TPST1: variants seen among roughly 807,000 people sequenced by gnomAD.
TPST1 encodes the protein protein-tyrosine sulfotransferase 1.
Under a neutral mutation model 34.8 loss-of-function variants are expected in TPST1, and 20 were observed. That is an observed-to-expected ratio of 0.57 (90% confidence interval 0.40 to 0.84). TPST1 has a LOEUF of 0.84. TPST1 is among the 40% of genes least tolerant of loss of function. The pLI is 0.00. For missense variants in TPST1, 353 were observed against 455.5 expected (o/e 0.78, Z 2.05); for synonymous variants, 152 against 159.4 (o/e 0.95, Z 0.35).
intron 3 of TPST1, among the ~76,000 whole-genome samples, chr7:66,297,404 AC>A (rs1791223807): frequency 6.6e-6 from 1 of 152,146 alleles, no homozygotes; most frequent in Non-Finnish European, 1.5e-5. Flanking sequence ...GCAGGAATCC[AC>A]CTTGAGAGTG....
intron 3 of TPST1, among the ~76,000 whole-genome samples, chr7:66,341,748 A>G (rs956869998): frequency 2.6e-5 from 4 of 152,248 alleles, no homozygotes; most frequent in African/African-American, 9.6e-5. Context: ...AGAGACCAAA[A>G]GAAAGAAAAA....
intron 3 of TPST1, among the ~76,000 whole-genome samples, chr7:66,298,294 GC>G (rs1554350024): frequency 6.6e-6 from 1 of 152,042 alleles, no homozygotes; most frequent in Non-Finnish European, 1.5e-5. Flanking sequence ...TACATTTCTA[GC>G]AATTTTGTTT....
chr7:66,352,645 CAG>C (rs1792505562), intron 4 of TPST1, 90 bp downstream of exon 4: 2 of 1,562,662 alleles, frequency 1.3e-6, no homozygotes, highest in South Asian at 1.2e-5. Context: ...ATTAAAAAGA[CAG>C]AAACAAGAAA....
At chr7:66,281,717 A>C (rs1252065457) in intron 2 of TPST1, among the ~76,000 whole-genome samples, 1 of 152,078 alleles carries the variant, frequency 6.6e-6, no homozygotes, top group African/African-American at 2.4e-5. Flanking sequence ...CTTTTTGCAT[A>C]TCTGTTCCAT....
intron 2 of TPST1, among the ~76,000 whole-genome samples, chr7:66,270,056 G>C (rs1218784744): frequency 1.3e-5 from 2 of 152,178 alleles, no homozygotes; most frequent in African/African-American, 4.8e-5. Flanking sequence ...AAAGTTAGTA[G>C]TCTCATTGAG....
At chr7:66,242,928 G>A (rs1790066435) in intron 2 of TPST1, among the ~76,000 whole-genome samples, 1 of 152,136 alleles carries the variant, frequency 6.6e-6, no homozygotes, top group Admixed American at 6.5e-5. Context: ...GTGGAATGGA[G>A]GCCCTGTAAG....
At chr7:66,354,470 T>C (rs1451698949) in intron 4 of TPST1, among the ~76,000 whole-genome samples, 1 of 130,032 alleles carries the variant, frequency 7.7e-6, no homozygotes, top group Non-Finnish European at 1.5e-5. Context: ...TAGCAAGACT[T>C]GGTGGTGTGC....
At position 66,240,628 on chromosome 7, in the gene TPST1, A is replaced by T; in HGVS notation, c.203A>T (p.Asp68Val). The change falls in exon 2 of 6, where the codon GAT becomes GTT. Residue 68 changes from aspartate (D) to valine (V), a missense_variant. By Grantham distance (152) the Asp-to-Val change is radical. Transcript: ENST00000304842. ...AACAAAACCTTTGCCTATCACAAAG[A>T]TATGCCTTTAATATTTATTGGAGGT... ...KANKTFAYHK[D>V]MPLIFIGGVP... 1 of 1,614,184 alleles carries T rather than the reference A, an allele frequency of 6.2e-7. No individual in the cohort carries two copies. Among genetic ancestry groups the T allele is most frequent in the Non-Finnish European group, 8.5e-7 (1 of 1,180,038 alleles).
At chr7:66,210,524 C>G (rs889116718) in intron 1 of TPST1, among the ~76,000 whole-genome samples, 1 of 152,166 alleles carries the variant, frequency 6.6e-6, no homozygotes, top group African/African-American at 2.4e-5. Flanking sequence ...GATTCTGTAT[C>G]ATTTGGTCTG....
intron 2 of TPST1, among the ~76,000 whole-genome samples, chr7:66,254,002 C>CAAAAAA (rs60795420): frequency 8.8e-6 from 1 of 113,564 alleles, no homozygotes; most frequent in South Asian, 3.3e-4. Context: ...GACTCTGTTT[C>CAAAAAA]AAAAAAAAAA....
chr7:66,338,036 A>G (rs562068048), intron 3 of TPST1, among the ~76,000 whole-genome samples: 4 of 152,320 alleles, frequency 2.6e-5, no homozygotes, highest in African/African-American at 7.2e-5. Context: ...TTCTTCAATT[A>G]AGAGTGGCAG....
At chr7:66,256,592 A>G (rs2115674395) in intron 2 of TPST1, among the ~76,000 whole-genome samples, 1 of 152,194 alleles carries the variant, frequency 6.6e-6, no homozygotes, top group East Asian at 1.9e-4. Context: ...AAACAAGAAG[A>G]GCCAGAGAAA....
At chr7:66,230,924 C>T (rs201451447) in intron 1 of TPST1, among the ~76,000 whole-genome samples, 1 of 152,046 alleles carries the variant, frequency 6.6e-6, no homozygotes, top group South Asian at 2.1e-4. Context: ...TACAGTGTAT[C>T]GACACAAAGG....
intron 4 of TPST1, 59 bp downstream of exon 4, chr7:66,352,614 T>C: frequency 6.3e-7 from 1 of 1,582,382 alleles, no homozygotes; most frequent in East Asian, 2.3e-5. Flanking sequence ...ATTGAAGTAA[T>C]ATTTTTAAAG....
chr7:66,262,780 T>C (rs1002379104), intron 2 of TPST1, among the ~76,000 whole-genome samples: 26 of 152,020 alleles, frequency 1.7e-4, no homozygotes, highest in African/African-American at 6.0e-4. Context: ...GATAAGGAAA[T>C]GTGTGTTGGG....
upstream of TPST1, among the ~76,000 whole-genome samples, chr7:66,200,475 A>G (rs937931677): frequency 1.7e-5 from 2 of 115,992 alleles, no homozygotes; most frequent in Middle Eastern, 3.6e-3. Flanking sequence ...GCTGGAGTGC[A>G]GTGGCGCAAT....
chr7:66,264,992 A>G (rs537098051), intron 2 of TPST1, among the ~76,000 whole-genome samples: 1 of 152,374 alleles, frequency 6.6e-6, no homozygotes, highest in African/African-American at 2.4e-5. Flanking sequence ...GATAGAAATT[A>G]TGAACTAAAC....
intron 3 of TPST1, among the ~76,000 whole-genome samples, chr7:66,299,264 T>C (rs1057072213): frequency 1.3e-5 from 2 of 151,680 alleles, no homozygotes; most frequent in Non-Finnish European, 2.9e-5. Flanking sequence ...TAGCAGTTCT[T>C]ATAGTAAAGA....
Position 66,286,689 on chromosome 7 carries a change from A to G in TPST1, c.1024A>G (p.Ile342Val), listed in dbSNP as rs1269580711. The G allele has an allele frequency of 1.3e-6, 2 of 1,578,400 alleles. No homozygotes were observed. The highest frequency in any genetic ancestry group is 1.7e-6 in the Non-Finnish European group (2 of 1,160,636). ...TAACTACGGAAAACCTGATCCCAAAATTATTGAAAACACTCGAAGGGTAAG... is the reference window on the plus strand; with the variant it reads ...TAACTACGGAAAACCTGATCCCAAAGTTATTGAAAACACTCGAAGGGTAAG... ...PPNYGKPDPKIIENTRRVYKG... is the reference protein window; with the variant it reads ...PPNYGKPDPKVIENTRRVYKG... The change falls in exon 3 of 6, where the codon ATT becomes GTT. Residue 342 changes from isoleucine to valine, a missense_variant. Ile to Val is a conservative substitution (Grantham distance 29). Coordinates refer to ENST00000304842, the MANE Select transcript of TPST1 (RefSeq NM_003596.4).
Sources: allele counts gnomAD v4.1 joint callset (sites outside exome capture counted in the v4.1 genomes callset), GRCh38; gene constraint gnomAD v4.1.1; transcripts MANE v1.5; gene names NCBI Gene and HGNC (gene_info 2026-07-23, HGNC 2026-07-21).